Variants in SMARCAD1 observed in about 807,000 individuals in gnomAD.
SMARCAD1 encodes SNF2 related chromatin remodeling ATPase with DExD box 1, also known as SWI/SNF-related matrix-associated actin-dependent regulator of chromatin subfamily A containing DEAD/H box 1.
A neutral mutation model predicts 127.1 loss-of-function variants in SMARCAD1; 25 were observed. The observed-to-expected ratio is 0.20, with a 90% CI of 0.14 to 0.27. The LOEUF is 0.27. Ranked by LOEUF, SMARCAD1 falls within the 10% of genes least tolerant of loss-of-function variation. The pLI, the probability that SMARCAD1 is intolerant of heterozygous loss-of-function variation, is 1.00. For missense variants in SMARCAD1, 807 were observed against 1,206.0 expected, an observed-to-expected ratio of 0.67 and a Z score of 4.90; for synonymous variants, 400 against 396.9, an observed-to-expected ratio of 1.01 and a Z score of -0.09.
intron 2 of SMARCAD1, among the ~76,000 whole-genome samples, chr4:94,210,088 A>G (rs76937576): frequency 0.011 from 1,730 of 152,286 alleles, 35 homozygotes; most frequent in African/African-American, 0.039. Context: ...TGGTCATGTG[A>G]AATCTTTAAT....
chr4:94,244,980 G>T (rs1237379729), intron 6 of SMARCAD1, among the ~76,000 whole-genome samples: 3 of 152,142 alleles, frequency 2.0e-5, no homozygotes, highest in African/African-American at 7.2e-5. Context: ...TGCAGAAGTG[G>T]TTACAGAATG....
intron 2 of SMARCAD1, among the ~76,000 whole-genome samples, chr4:94,222,567 A>T (rs1744312542): frequency 6.6e-6 from 1 of 152,124 alleles, no homozygotes; most frequent in Non-Finnish European, 1.5e-5. Flanking sequence ...TACATATCTG[A>T]TAAGTGCTAA....
At chr4:94,242,780 G>A (rs962512989) in intron 6 of SMARCAD1, among the ~76,000 whole-genome samples, 2 of 151,574 alleles carry the variant, frequency 1.3e-5, no homozygotes, top group Non-Finnish European at 2.9e-5. Context: ...AGCTGGGCAT[G>A]CTTACATGCA....
chr4:94,235,213 C>T (rs1265459716), intron 4 of SMARCAD1, among the ~76,000 whole-genome samples: 1 of 149,066 alleles, frequency 6.7e-6, no homozygotes, highest in Admixed American at 6.7e-5. Flanking sequence ...CTCCCAGTCC[C>T]AGGCAACCAC....
chr4:94,287,550 T>C (rs916625581), intron 23 of SMARCAD1, among the ~76,000 whole-genome samples: 1 of 152,172 alleles, frequency 6.6e-6, no homozygotes. Context: ...CAGCATCTCC[T>C]AAGAAATTGG....
Position 94,249,768 on chromosome 4 carries a change from G to C in SMARCAD1, c.807+13G>C. On this transcript the variant is annotated intron_variant, in intron 7 of 23. Coordinates refer to ENST00000354268, the MANE Select transcript of SMARCAD1 (RefSeq NM_020159.5). ...TTTTGATAAACAGGTGAGTAGTCGT[G>C]TATGAAAATTTAATCAGTGTGTACT... The C allele has an allele frequency of 6.9e-7, 1 of 1,446,710 alleles. No homozygotes were observed. Among genetic ancestry groups the C allele is most frequent in the Non-Finnish European group, 9.7e-7 (1 of 1,028,190 alleles). The allele number at this position is 1,446,710 out of a possible 1,614,324, so 89.6% of individuals were successfully genotyped here. A position where few individuals can be genotyped will look rare whatever the true frequency, so the allele number is the denominator to read the frequency against.
At chr4:94,224,686 G>A (rs974452060) in intron 2 of SMARCAD1, among the ~76,000 whole-genome samples, 5 of 152,102 alleles carry the variant, frequency 3.3e-5, no homozygotes, top group Admixed American at 1.3e-4. Context: ...TTAGTGTTAC[G>A]ATTTAATGGA....
intron 15 of SMARCAD1, 66 bp from the exon 16 acceptor site, chr4:94,276,956 G>A (rs577519304): frequency 6.5e-7 from 1 of 1,543,246 alleles, no homozygotes; most frequent in Admixed American, 1.7e-5. Context: ...TTTCACTGGG[G>A]AGGATAGACA....
At chr4:94,268,515 A>G (rs183955179) in intron 10 of SMARCAD1, among the ~76,000 whole-genome samples, 5 of 152,314 alleles carry the variant, frequency 3.3e-5, no homozygotes, top group Admixed American at 3.3e-4. Context: ...AGGATGACTA[A>G]AGAATTGGGA....
chr4:94,250,796 A>C lies in SMARCAD1; in HGVS notation c.852A>C (p.Glu284Asp). The change falls in exon 8 of 24, where the codon GAA becomes GAC. Residue 284 changes from glutamate (E) to aspartate (D), a missense_variant. Transcript: ENST00000354268. Reference protein sequence around the residue: ...VLKEHEWMYTEALESLKVFAE... With the variant: ...VLKEHEWMYTDALESLKVFAE... Reference sequence around the variant, plus strand: ...AGGAACATGAATGGATGTACACAGAAGCTTTAGAATCTCTAAAAGTGTTTG... The same window carrying C: ...AGGAACATGAATGGATGTACACAGACGCTTTAGAATCTCTAAAAGTGTTTG... 6.2e-7 allele frequency: 1 copy of C among 1,612,638 alleles called. No homozygotes were observed. The highest frequency in any genetic ancestry group is 1.1e-5 in the South Asian group (1 of 90,908).
intron 9 of SMARCAD1, chr4:94,264,432 A>G (rs1751447260): frequency 3.4e-6 from 1 of 292,060 alleles, no homozygotes; most frequent in Non-Finnish European, 6.4e-6. Context: ...AATAGCTGCC[A>G]GGGTCAAAGT....
intron 2 of SMARCAD1, among the ~76,000 whole-genome samples, chr4:94,225,013 C>A (rs1178218761): frequency 1.3e-5 from 2 of 152,270 alleles, no homozygotes; most frequent in Middle Eastern, 3.4e-3. Flanking sequence ...TCCCTTCAAT[C>A]TGATCCATTC....
rs1237999924 is a variant in SMARCAD1, at chr4:94,243,718, A to G, written c.705+2712A>G. Among the ~76,000 whole-genome samples the G allele has an allele frequency of 2.0e-5, 3 of 152,200 alleles. No individual in the cohort carries two copies. In the East Asian group the frequency reaches 5.8e-4, roughly 29 times the overall value. Reference sequence around the variant, plus strand: ...TAGAAAATTGCTTCCAGCTGAACCAAGCCACATAAAACACACACGTTTCCA... The same window carrying G: ...TAGAAAATTGCTTCCAGCTGAACCAGGCCACATAAAACACACACGTTTCCA... On this transcript the variant is annotated intron_variant, in intron 6 of 23. Transcript: ENST00000354268.
At chr4:94,210,894 A>T (rs1329780871) in intron 2 of SMARCAD1, among the ~76,000 whole-genome samples, 1 of 137,482 alleles carries the variant, frequency 7.3e-6, no homozygotes, top group Non-Finnish European at 1.5e-5. Flanking sequence ...AGATCACACC[A>T]CTGCACTCCA....
At position 94,287,187 on chromosome 4, in the gene SMARCAD1, G is replaced by A. The variant is rs1448989664; in HGVS notation, c.3019+2118G>A. Among the ~76,000 whole-genome samples, 3 of 152,096 alleles carry A rather than the reference G, an allele frequency of 2.0e-5. No individual in the cohort carries two copies. In the East Asian group the frequency reaches 5.8e-4, roughly 29 times the overall value. On this transcript the variant is annotated intron_variant, in intron 23 of 23. Transcript: ENST00000354268. The stretch of plus-strand genomic sequence containing the variant: ...AAGCTGTTTATATGTGTTTTTCCCA[G>A]TGTGTATTTTATTTGCTAGAATAAG...
intron 9 of SMARCAD1, chr4:94,253,231 A>G (rs1187547232): frequency 6.7e-7 from 1 of 1,502,528 alleles, no homozygotes; most frequent in Non-Finnish European, 8.9e-7. Flanking sequence ...ACCCAAGCTG[A>G]TTGGCTGGGA....
rs1260736426 is a variant in SMARCAD1 at position 94,209,711 on chromosome 4, T to G, written c.190+1127T>G. Among the ~76,000 whole-genome samples the G allele has an allele frequency of 5.3e-5, 8 of 152,168 alleles. No individual in the cohort carries two copies. In the East Asian group the frequency reaches 1.5e-3, roughly 29 times the overall value. ...ATGATTTGGTAGATTGGATTAGGAGTCAGATTTACAAAGGCTTTGTCTAAG... is the reference window on the plus strand; with the variant it reads ...ATGATTTGGTAGATTGGATTAGGAGGCAGATTTACAAAGGCTTTGTCTAAG... On this transcript the variant is annotated intron_variant, in intron 2 of 23. Transcript: ENST00000354268.
intron 9 of SMARCAD1, among the ~76,000 whole-genome samples, chr4:94,254,060 G>A (rs1422202147): frequency 6.6e-6 from 1 of 152,090 alleles, no homozygotes; most frequent in Non-Finnish European, 1.5e-5. Context: ...ATAGGGGAGA[G>A]TCCCTGAACA....
At chr4:94,284,219 C>T (rs1372458967) in intron 22 of SMARCAD1, among the ~76,000 whole-genome samples, 2 of 140,060 alleles carry the variant, frequency 1.4e-5, no homozygotes, top group African/African-American at 2.7e-5. Flanking sequence ...CCCAGCTACT[C>T]GGGAAGCTGA....
Sources: gnomAD v4.1 joint callset for allele counts (sites outside exome capture counted in the v4.1 genomes callset) on GRCh38, gnomAD v4.1.1 for gene constraint, MANE v1.5 for transcripts, NCBI Gene and HGNC (gene_info 2026-07-23, HGNC 2026-07-21) for gene names.